CTDSPL: variants seen among roughly 807,000 people sequenced by gnomAD.
CTDSPL encodes CTD small phosphatase like.
Under a neutral mutation model 30.5 loss-of-function variants are expected in CTDSPL, and 8 were observed. The observed-to-expected ratio is 0.26, with a 90% CI of 0.15 to 0.47. CTDSPL has a LOEUF of 0.47. CTDSPL is among the 20% of genes least tolerant of loss of function. CTDSPL has a pLI of 0.99. For missense variants in CTDSPL, 248 were observed against 366.1 expected (o/e 0.68, Z 2.63); for synonymous variants, 110 against 137.9 (o/e 0.80, Z 1.42).
At chr3:37,955,861 A>G (rs999577353) in intron 2 of CTDSPL, among the ~76,000 whole-genome samples, 1 of 152,192 alleles carries the variant, frequency 6.6e-6, no homozygotes, top group Non-Finnish European at 1.5e-5. Context: ...TTTTAAAAGT[A>G]TGTCCTCCGC....
chr3:37,946,437 G>C (rs1699039553), intron 1 of CTDSPL, among the ~76,000 whole-genome samples: 2 of 152,180 alleles, frequency 1.3e-5, no homozygotes, highest in Non-Finnish European at 2.9e-5. Context: ...TTTTTTAAGT[G>C]TAAAGGAAGC....
chr3:37,975,967 T>G lies in CTDSPL; in HGVS notation c.705+73T>G, dbSNP rs1473119052. 6.7e-7 allele frequency: 1 copy of G among 1,491,524 alleles called. No individual in the cohort carries two copies. Among genetic ancestry groups the G allele is most frequent in the Non-Finnish European group, 9.2e-7 (1 of 1,090,812 alleles). 92.4% of individuals were successfully genotyped at this position (1,491,524 alleles called of 1,614,324 possible). On this transcript the variant is annotated intron_variant, in intron 7 of 7. Transcript: ENST00000273179. The surrounding 1 kb of genome is among the most constrained non-coding windows in gnomAD (Gnocchi z 4.9). Reference sequence around the variant, plus strand: ...TGTCTTGCCAGGCAGGTACCACTTTTGAGCACCTACACAAGAAGGTCTCTG... The same window carrying G: ...TGTCTTGCCAGGCAGGTACCACTTTGGAGCACCTACACAAGAAGGTCTCTG...
chr3:37,903,738 AGAGC>A (rs1424541761), intron 1 of CTDSPL, among the ~76,000 whole-genome samples: 1 of 152,232 alleles, frequency 6.6e-6, no homozygotes, highest in Non-Finnish European at 1.5e-5. Context: ...GCACAAGCTC[AGAGC>A]TTCTTGGGGA....
chr3:37,964,057 A>AAG (rs1310549926), intron 3 of CTDSPL, among the ~76,000 whole-genome samples: 5 of 148,590 alleles, frequency 3.4e-5, no homozygotes, highest in Non-Finnish European at 5.9e-5. Context: ...AAAAAAAAAA[A>AAG]AAAAAAAAAA....
chr3:37,909,643 G>T (rs1359834204), intron 1 of CTDSPL, among the ~76,000 whole-genome samples: 1 of 152,214 alleles, frequency 6.6e-6, no homozygotes, highest in Non-Finnish European at 1.5e-5. Context: ...ACAGCAGGAG[G>T]GAAAGAAATA....
chr3:37,881,021 C>CAA (rs200179594), intron 1 of CTDSPL, among the ~76,000 whole-genome samples: 9 of 84,232 alleles, frequency 1.1e-4, no homozygotes, highest in African/African-American at 3.0e-4. Flanking sequence ...TGAGGGGGAC[C>CAA]AAAAAAAAAA....
Position 37,862,369 on chromosome 3 carries a change from G to A in CTDSPL, c.79+91G>A, listed in dbSNP as rs1206832117. 4.3e-6 allele frequency: 5 copies of A among 1,161,744 alleles called. No homozygotes were observed. The highest frequency in any genetic ancestry group is 6.9e-5 in the East Asian group (2 of 29,140). The allele number at this position is 1,161,744 out of a possible 1,614,324, so 72.0% of individuals were successfully genotyped here. A position where few individuals can be genotyped will look rare whatever the true frequency, so the allele number is the denominator to read the frequency against. On this transcript the variant is annotated intron_variant, in intron 1 of 7. Transcript: ENST00000273179. This position sits in a 1 kb window ranked among gnomAD's most constrained non-coding sequence, Gnocchi z 4.3. ...TGCCGGGCGCCGGCATGGGCCTGGG[G>A]GAGGGGTGCACAGGGCCCGGAGGGT... is the stretch of plus-strand genomic sequence containing the variant.
Position 37,933,835 on chromosome 3 carries a change from C to A in CTDSPL, c.80-13222C>A, listed in dbSNP as rs193031406. ...TTCTTTTTAACACCTGTATAATATT[C>A]TACACTGGATGTATTATATATTTTA... On this transcript the variant is annotated intron_variant, in intron 1 of 7. Coordinates refer to ENST00000273179, the MANE Select transcript of CTDSPL (RefSeq NM_001008392.2). Among the ~76,000 whole-genome samples the A allele has an allele frequency of 2.0e-5, 3 of 152,268 alleles. No homozygotes were observed. The East Asian group carries it at 5.8e-4, about 29-fold the overall frequency.
chr3:37,939,196 A>G (rs1698950368), intron 1 of CTDSPL, among the ~76,000 whole-genome samples: 1 of 150,200 alleles, frequency 6.7e-6, no homozygotes, highest in Admixed American at 6.7e-5. Flanking sequence ...ACCAGTCACA[A>G]TTTTTTGTTA....
chr3:37,949,004 T>C (rs893781792), intron 2 of CTDSPL, among the ~76,000 whole-genome samples: 1 of 151,182 alleles, frequency 6.6e-6, no homozygotes, highest in Non-Finnish European at 1.5e-5. Context: ...GTATTTTTAG[T>C]AGAGACGGGG....
intron 3 of CTDSPL, among the ~76,000 whole-genome samples, chr3:37,960,578 A>ACACACACAC (rs1699234092): frequency 7.9e-5 from 10 of 126,444 alleles, no homozygotes; most frequent in Non-Finnish European, 1.6e-4. Flanking sequence ...ACACACACAC[A>ACACACACAC]ATTAGCTGGG....
rs149883696 is a variant in CTDSPL, at chr3:37,977,400, T to A, written c.705+1506T>A. Among the ~76,000 whole-genome samples, 39 of 152,286 alleles carry A rather than the reference T, an allele frequency of 2.6e-4. 1 individual carries two copies. The East Asian group carries it at 7.3e-3, about 29-fold the overall frequency. On this transcript the variant is annotated intron_variant, in intron 7 of 7. Transcript: ENST00000273179. ...CTTAACACGTCTCCCTTTCCTCCCC[T>A]TTTCTCTTTTATGCCATTTATTTGT...
chr3:37,953,376 A>T (rs573472872), intron 2 of CTDSPL, among the ~76,000 whole-genome samples: 1 of 152,220 alleles, frequency 6.6e-6, no homozygotes, highest in African/African-American at 2.4e-5. Flanking sequence ...AAACTCAGAA[A>T]AACATGCCTT....
At chr3:37,909,391 A>C (rs913627776) in intron 1 of CTDSPL, among the ~76,000 whole-genome samples, 5 of 152,232 alleles carry the variant, frequency 3.3e-5, no homozygotes, top group African/African-American at 4.8e-5. Context: ...CCTAGGGCTG[A>C]GCAGGTCTTT....
chr3:37,882,664 T>C (rs1299124364), intron 1 of CTDSPL, among the ~76,000 whole-genome samples: 8 of 152,082 alleles, frequency 5.3e-5, no homozygotes, highest in Non-Finnish European at 1.0e-4. Context: ...AGTATTAGGA[T>C]AAAATTTTAA....
intron 6 of CTDSPL, 129 bp downstream of exon 6, chr3:37,971,628 C>T: frequency 2.6e-6 from 2 of 777,920 alleles, no homozygotes; most frequent in Admixed American, 2.2e-5. Context: ...GGTTCCCACC[C>T]CAGATGGGAT....
At chr3:37,931,183 TGTCATTCAG>T (rs1319486175) in intron 1 of CTDSPL, among the ~76,000 whole-genome samples, 1 of 151,488 alleles carries the variant, frequency 6.6e-6, no homozygotes, top group East Asian at 1.9e-4. Flanking sequence ...GGTTTCACTG[TGTCATTCAG>T]GCTGGAGTGC....
At chr3:37,964,323 GA>G (rs1699276319) in intron 3 of CTDSPL, among the ~76,000 whole-genome samples, 1 of 152,126 alleles carries the variant, frequency 6.6e-6, no homozygotes, top group Non-Finnish European at 1.5e-5. Context: ...TTACAACCAA[GA>G]AAGTGACAGA....
intron 6 of CTDSPL, among the ~76,000 whole-genome samples, chr3:37,974,540 T>C (rs990350241): frequency 2.6e-5 from 4 of 152,208 alleles, no homozygotes; most frequent in African/African-American, 9.6e-5. Context: ...ACTGCTCCTG[T>C]TTCTTCCAGG....
Sources: gnomAD v4.1 joint callset for allele counts (sites outside exome capture counted in the v4.1 genomes callset) on GRCh38, gnomAD v4.1.1 for gene constraint, Gnocchi (gnomAD v3.1) non-coding constraint, MANE v1.5 for transcripts, NCBI Gene and HGNC (gene_info 2026-07-23, HGNC 2026-07-21) for gene names.